ATRNL1: variants seen among roughly 807,000 people sequenced by gnomAD.
ATRNL1 encodes attractin like 1, also known as attractin-like protein 1.
Under a neutral mutation model 182.7 loss-of-function variants are expected in ATRNL1, and 95 were observed. The ratio of observed to expected loss-of-function variants is 0.52; its 90% confidence interval spans 0.44 to 0.62. The LOEUF is 0.62. ATRNL1 is among the 20% of genes least tolerant of loss of function. ATRNL1 has a pLI of 0.00. For synonymous variants in ATRNL1, 576 were observed against 568.3 expected, an observed-to-expected ratio of 1.01 and a Z score of -0.19; for missense variants, 1,471 against 1,679.5, an observed-to-expected ratio of 0.88 and a Z score of 2.17.
chr10:115,301,087 G>A (rs1180707248), intron 16 of ATRNL1, among the ~76,000 whole-genome samples: 2 of 152,028 alleles, frequency 1.3e-5, no homozygotes, highest in Non-Finnish European at 2.9e-5. Context: ...CCTTTTTAAG[G>A]TTGACCAATA....
At chr10:115,776,401 T>TA (rs1949127042) in intron 27 of ATRNL1, among the ~76,000 whole-genome samples, 1 of 152,232 alleles carries the variant, frequency 6.6e-6, no homozygotes, top group Non-Finnish European at 1.5e-5. Flanking sequence ...TAGATAATCT[T>TA]ACCTCTTTTG....
At chr10:115,452,795 A>G (rs1279056270) in intron 21 of ATRNL1, among the ~76,000 whole-genome samples, 1 of 152,096 alleles carries the variant, frequency 6.6e-6, no homozygotes, top group Non-Finnish European at 1.5e-5. Flanking sequence ...ATCAGAGCTT[A>G]ATCATTTTGC....
At chr10:115,817,968 G>A (rs1950205956) in intron 27 of ATRNL1, among the ~76,000 whole-genome samples, 1 of 150,566 alleles carries the variant, frequency 6.6e-6, no homozygotes, top group Non-Finnish European at 1.5e-5. Context: ...TCATTAGCCA[G>A]TGTTTTATCA....
At chr10:115,731,273 A>T (rs1240384982) in intron 27 of ATRNL1, among the ~76,000 whole-genome samples, 1 of 152,138 alleles carries the variant, frequency 6.6e-6, no homozygotes, top group African/African-American at 2.4e-5. Flanking sequence ...ATCGGTACCA[A>T]TCTATCCAGG....
intron 26 of ATRNL1, among the ~76,000 whole-genome samples, chr10:115,588,227 C>T (rs1426376407): frequency 6.6e-6 from 1 of 152,120 alleles, no homozygotes; most frequent in Non-Finnish European, 1.5e-5. Context: ...TCTCTCACCC[C>T]CAACTCTCAC....
chr10:115,901,898 C>T (rs916215503), intron 28 of ATRNL1, among the ~76,000 whole-genome samples: 2 of 152,126 alleles, frequency 1.3e-5, no homozygotes, highest in Admixed American at 6.6e-5. Flanking sequence ...GAATTAAGTC[C>T]TGGAAACAGC....
intron 10 of ATRNL1, among the ~76,000 whole-genome samples, chr10:115,252,969 C>T (rs1241006613): frequency 6.6e-6 from 1 of 152,186 alleles, no homozygotes; most frequent in Non-Finnish European, 1.5e-5. Context: ...ATCTGTGCTC[C>T]ACCTACCACC....
At chr10:115,408,788 T>A in intron 20 of ATRNL1, among the ~76,000 whole-genome samples, 1 of 152,180 alleles carries the variant, frequency 6.6e-6, no homozygotes, top group East Asian at 1.9e-4. Context: ...CTAATGCATA[T>A]GGATATCCAG....
intron 26 of ATRNL1, among the ~76,000 whole-genome samples, chr10:115,700,387 G>C (rs1018830747): frequency 6.6e-6 from 1 of 152,094 alleles, no homozygotes; most frequent in Non-Finnish European, 1.5e-5. Flanking sequence ...CATTCTGGCT[G>C]GTGTGAGATG....
At chr10:115,234,092 G>C (rs1416405731) in intron 9 of ATRNL1, among the ~76,000 whole-genome samples, 1 of 151,716 alleles carries the variant, frequency 6.6e-6, no homozygotes, top group African/African-American at 2.4e-5. Context: ...AATAAACTTT[G>C]GGCCAACTAG....
At chr10:115,581,051 C>A (rs1225409053) in intron 26 of ATRNL1, among the ~76,000 whole-genome samples, 1 of 151,996 alleles carries the variant, frequency 6.6e-6, no homozygotes, top group East Asian at 1.9e-4. Context: ...GGAGATTTAT[C>A]TTGGTTTTTT....
At chr10:115,244,212 A>G (rs1373795250) in intron 10 of ATRNL1, among the ~76,000 whole-genome samples, 1 of 152,000 alleles carries the variant, frequency 6.6e-6, no homozygotes, top group African/African-American at 2.4e-5. Flanking sequence ...TTTGTGTTAT[A>G]TGATATTTAA....
At chr10:115,286,038 G>T (rs1339924573) in intron 14 of ATRNL1, among the ~76,000 whole-genome samples, 178 bp from the exon 15 acceptor site, 1 of 151,782 alleles carries the variant, frequency 6.6e-6, no homozygotes, top group South Asian at 2.1e-4. Flanking sequence ...GAAAAAGTTG[G>T]GATGTTCTGC....
At chr10:115,538,715 A>G (rs1189582818) in intron 25 of ATRNL1, among the ~76,000 whole-genome samples, 1 of 152,100 alleles carries the variant, frequency 6.6e-6, no homozygotes, top group Non-Finnish European at 1.5e-5. Flanking sequence ...ATTCAATTTA[A>G]TGCATTTTTT....
At chr10:115,805,382 T>TAC (rs1555085425) in intron 27 of ATRNL1, among the ~76,000 whole-genome samples, 13 of 152,188 alleles carry the variant, frequency 8.5e-5, no homozygotes, top group Non-Finnish European at 1.5e-5. Context: ...CTTCTGCAGG[T>TAC]CCATTCTCTC....
intron 25 of ATRNL1, among the ~76,000 whole-genome samples, chr10:115,549,218 AC>A (rs1184308671): frequency 6.6e-6 from 1 of 152,042 alleles, no homozygotes; most frequent in Non-Finnish European, 1.5e-5. Flanking sequence ...ATTCCTTCTG[AC>A]AGAGAAAATT....
rs1251006277 is a variant in ATRNL1 at position 115,917,481 on chromosome 10, A to G, written c.4019-27177A>G. ...CAAGACTCTGTCTCAAAAAAAAAAA[A>G]AAAAGAAAAAAAAAACGGGGCCATG... On this transcript the variant is annotated intron_variant, in intron 28 of 28. Coordinates refer to ENST00000355044, the MANE Select transcript of ATRNL1 (RefSeq NM_207303.4). Among the ~76,000 whole-genome samples the G allele has an allele frequency of 3.6e-4, 3 of 8,408 alleles. 1 individual carries two copies. Among genetic ancestry groups the G allele is most frequent in the South Asian group, 0.014 (2 of 142 alleles). The allele number at this position is 8,408 out of a possible 152,430, so 5.5% of individuals were successfully genotyped here.
chr10:115,567,213 A>G (rs1422710977), intron 26 of ATRNL1, among the ~76,000 whole-genome samples: 1 of 152,172 alleles, frequency 6.6e-6, no homozygotes, highest in African/African-American at 2.4e-5. Context: ...CTAGGTGATT[A>G]TTATCTAGAA....
In ATRNL1 at chr10:115,451,998, A is replaced by C. The variant is rs144029150; in HGVS notation, c.3323-9943A>C. Among the ~76,000 whole-genome samples the C allele has an allele frequency of 7.0e-3, 1,070 of 152,308 alleles. 5 individuals are homozygous for C. Among genetic ancestry groups the C allele is most frequent in the Non-Finnish European group, 0.012 (817 of 68,032 alleles). Reference sequence around the variant, plus strand: ...TAGAGACTATTATCCTTAGCAAACCAATGCAGGTACAGAAAACCAAATACT... The same window carrying C: ...TAGAGACTATTATCCTTAGCAAACCCATGCAGGTACAGAAAACCAAATACT... On this transcript the variant is annotated intron_variant, in intron 21 of 28. Coordinates refer to ENST00000355044, the MANE Select transcript of ATRNL1 (RefSeq NM_207303.4).
Sources: allele counts gnomAD v4.1 joint callset (sites outside exome capture counted in the v4.1 genomes callset), GRCh38; gene constraint gnomAD v4.1.1; transcripts MANE v1.5; gene names NCBI Gene and HGNC (gene_info 2026-07-23, HGNC 2026-07-21).